Variants in PPP1R42 observed in about 807,000 individuals in gnomAD.
PPP1R42 encodes the protein protein phosphatase 1 regulatory subunit 42.
PPP1R42 carries 34 observed loss-of-function variants against 31.0 expected under a neutral mutation model. The observed-to-expected ratio is 1.10, with a 90% CI of 0.83 to 1.46. PPP1R42 has a LOEUF of 1.46. PPP1R42 is among the 40% of genes most tolerant of loss of function. PPP1R42 has a pLI of 0.00. For missense variants in PPP1R42, 268 were observed against 303.0 expected (o/e 0.88, Z 0.86); for synonymous variants, 103 against 109.8 (o/e 0.94, Z 0.39).
chr8:66,976,716 C>T (rs1814687053), intron 7 of PPP1R42, among the ~76,000 whole-genome samples: 3 of 151,850 alleles, frequency 2.0e-5, no homozygotes, highest in African/African-American at 2.4e-5. Flanking sequence ...TTTCCATCCG[C>T]GTTGTTGCGA....
At chr8:66,973,050 G>A (rs1218124416) in intron 7 of PPP1R42, among the ~76,000 whole-genome samples, 1 of 152,148 alleles carries the variant, frequency 6.6e-6, no homozygotes, top group East Asian at 1.9e-4. Context: ...ATTAAATGCA[G>A]TAATGTATGT....
chr8:66,971,837 T>C (rs1814545511), intron 7 of PPP1R42, among the ~76,000 whole-genome samples: 1 of 152,194 alleles, frequency 6.6e-6, no homozygotes, highest in Non-Finnish European at 1.5e-5. Context: ...TTATAATAAT[T>C]CCTATAATTT....
intron 5 of PPP1R42, among the ~76,000 whole-genome samples, chr8:66,994,729 C>G (rs1179874678): frequency 1.2e-4 from 19 of 152,082 alleles, no homozygotes; most frequent in Admixed American, 1.1e-3. Context: ...TAATCTATTA[C>G]AATATTTATA....
chr8:67,018,640 G>A (rs1429148967), intron 1 of PPP1R42, among the ~76,000 whole-genome samples: 2 of 150,930 alleles, frequency 1.3e-5, no homozygotes, highest in African/African-American at 4.9e-5. Context: ...AGCCTCCCAA[G>A]CAGCTGGGAT....
At chr8:66,966,074 C>G (rs1814373342) in intron 7 of PPP1R42, among the ~76,000 whole-genome samples, 2 of 152,158 alleles carry the variant, frequency 1.3e-5, no homozygotes, top group African/African-American at 4.8e-5. Flanking sequence ...TTTATCCATT[C>G]TAGTACATGT....
At chr8:66,982,822 C>G (rs1190169903) in intron 6 of PPP1R42, among the ~76,000 whole-genome samples, 1 of 152,136 alleles carries the variant, frequency 6.6e-6, no homozygotes, top group East Asian at 1.9e-4. Context: ...GTCACCCAGG[C>G]TGGAATGCAG....
chr8:67,018,693 A>G (rs1585685310), intron 1 of PPP1R42, among the ~76,000 whole-genome samples: 1 of 146,924 alleles, frequency 6.8e-6, no homozygotes, highest in Middle Eastern at 3.8e-3. Flanking sequence ...TTGTATTTTT[A>G]GTAGAGATGG....
At chr8:67,004,415 T>A (rs1815609419) in intron 5 of PPP1R42, among the ~76,000 whole-genome samples, 1 of 152,250 alleles carries the variant, frequency 6.6e-6, no homozygotes, top group South Asian at 2.1e-4. Flanking sequence ...CTGATTCTGG[T>A]ACTCTTATTA....
chr8:66,990,411 G>T (rs1382982318), intron 5 of PPP1R42, among the ~76,000 whole-genome samples: 2 of 152,292 alleles, frequency 1.3e-5, no homozygotes, highest in South Asian at 4.2e-4. Flanking sequence ...ATCCTGTGCT[G>T]AAATACGATT....
intron 5 of PPP1R42, among the ~76,000 whole-genome samples, chr8:67,004,190 CT>C: frequency 6.6e-6 from 1 of 152,316 alleles, no homozygotes; most frequent in African/African-American, 2.4e-5. Context: ...GATTTTGCTC[CT>C]TTCATCCCTC....
At chr8:67,003,088 C>A (rs532674082) in intron 5 of PPP1R42, among the ~76,000 whole-genome samples, 1 of 149,836 alleles carries the variant, frequency 6.7e-6, no homozygotes, top group East Asian at 1.9e-4. Flanking sequence ...ATCTTTTGAA[C>A]CCCGGAGGCG....
chr8:66,981,995 A>T lies in PPP1R42; in HGVS notation c.802+54T>A, dbSNP rs999667014. ...ATTTGTTGGCATTTTTTTGTTGCCTAGAATATTTCCTTTGCTAGAAGAGCA... is the reference window on the plus strand; with the variant it reads ...ATTTGTTGGCATTTTTTTGTTGCCTTGAATATTTCCTTTGCTAGAAGAGCA... On this transcript the variant is annotated intron_variant, in intron 7 of 7. Coordinates refer to ENST00000685739, the MANE Select transcript of PPP1R42 (RefSeq NM_001364910.1). The T allele has an allele frequency of 1.2e-5, 16 of 1,291,776 alleles. No individual in the cohort carries two copies. In the African/African-American group the frequency reaches 2.3e-4, roughly 19 times the overall value. 80.0% of individuals were successfully genotyped at this position (1,291,776 alleles called of 1,614,324 possible).
At chr8:66,969,282 A>G (rs935253329) in intron 7 of PPP1R42, among the ~76,000 whole-genome samples, 1 of 152,208 alleles carries the variant, frequency 6.6e-6, no homozygotes, top group East Asian at 1.9e-4. Flanking sequence ...CCTTGATGAT[A>G]TACTAGCAAG....
In PPP1R42 at chr8:67,010,714, C is replaced by T. The variant is rs143386303; in HGVS notation, c.552+1G>A. On this transcript the variant is annotated splice_donor_variant, in intron 5 of 7. Transcript: ENST00000685739. LOFTEE classifies it high-confidence loss of function. ...TAAAAATTAATTTCTCTTTACACTA[C>T]CTTCACATGCAGAAGTTGGTTGTCA... 3,508 of 1,558,804 alleles carry T rather than the reference C, an allele frequency of 2.3e-3. 11 individuals are homozygous for T. The highest frequency in any genetic ancestry group is 2.8e-3 in the Non-Finnish European group (3,195 of 1,138,928).
At chr8:67,026,567 G>T (rs930157544) in intron 1 of PPP1R42, among the ~76,000 whole-genome samples, 10 of 152,068 alleles carry the variant, frequency 6.6e-5, no homozygotes, top group Admixed American at 4.6e-4. Flanking sequence ...AGGGTGTGTT[G>T]GCTCACACCT....
intron 1 of PPP1R42, chr8:67,027,167 C>CTA (rs1361028911): frequency 6.6e-6 from 1 of 152,126 alleles, no homozygotes; most frequent in African/African-American, 2.4e-5. Flanking sequence ...TCCCAAAGTG[C>CTA]TAGGATTACA....
intron 7 of PPP1R42, among the ~76,000 whole-genome samples, chr8:66,965,080 C>T (rs1301350171): frequency 6.6e-6 from 1 of 152,032 alleles, no homozygotes; most frequent in Non-Finnish European, 1.5e-5. Flanking sequence ...TAGCATAATG[C>T]TTTTGAGATC....
At chr8:67,020,205 G>T (rs962321399) in intron 1 of PPP1R42, among the ~76,000 whole-genome samples, 15 of 152,022 alleles carry the variant, frequency 9.9e-5, no homozygotes, top group African/African-American at 3.6e-4. Context: ...TGTTGTTGTT[G>T]TTGTTGTTTT....
rs778888819 is a variant in PPP1R42 at position 67,010,770 on chromosome 8, AGTT to A, written c.494_496del (p.Glu165_Leu166delinsVal). 9.9e-6 allele frequency: 16 copies of A among 1,608,074 alleles called. No homozygotes were observed. The African/African-American group carries it at 2.0e-4, about 20-fold the overall frequency. ...TATGAGCTGATTAAGATTCTCTAGTAGTTCTAAGTCTGTAATGTCATCAATATT... is the reference window on the plus strand; with the variant it reads ...TATGAGCTGATTAAGATTCTCTAGTACTAAGTCTGTAATGTCATCAATATT... On this transcript the variant is annotated inframe_deletion, in exon 5 of 8. Coordinates refer to ENST00000685739, the MANE Select transcript of PPP1R42 (RefSeq NM_001364910.1).
Sources: allele counts gnomAD v4.1 joint callset (sites outside exome capture counted in the v4.1 genomes callset), GRCh38; gene constraint gnomAD v4.1.1; transcripts MANE v1.5; gene names NCBI Gene and HGNC (gene_info 2026-07-23, HGNC 2026-07-21).